CFAP44: variants seen among roughly 807,000 people sequenced by gnomAD.
CFAP44 encodes the protein cilia and flagella associated protein 44.
CFAP44 carries 134 observed loss-of-function variants against 216.2 expected under a neutral mutation model. The ratio of observed to expected loss-of-function variants is 0.62; its 90% CI spans 0.54 to 0.72. CFAP44 has a LOEUF of 0.72. Among genes scored for constraint, CFAP44 ranks in the 30% least tolerant of loss-of-function variants. The pLI is 0.00. For missense variants in CFAP44, 2,035 were observed against 2,182.1 expected, an observed-to-expected ratio of 0.93 and a Z score of 1.34; for synonymous variants, 700 against 727.6, an observed-to-expected ratio of 0.96 and a Z score of 0.61.
In CFAP44 at chr3:113,429,872, A is replaced by T. The variant is rs980125099; in HGVS notation, c.101-2533T>A. Reference sequence around the variant, plus strand: ...AACAACTTTCTACAGTCTACTTAAGAGTTACCATTTATTATAGTAACACGT... The same window carrying T: ...AACAACTTTCTACAGTCTACTTAAGTGTTACCATTTATTATAGTAACACGT... On this transcript the variant is annotated intron_variant, in intron 2 of 34. Transcript: ENST00000393845. Among the ~76,000 whole-genome samples, 58 of 152,130 alleles carry T rather than the reference A, an allele frequency of 3.8e-4. 1 individual carries two copies. Among genetic ancestry groups the T allele is most frequent in the Admixed American group, 6.6e-5 (1 of 15,266 alleles).
At chr3:113,438,067 C>T (rs985988090) in intron 1 of CFAP44, among the ~76,000 whole-genome samples, 3 of 152,192 alleles carry the variant, frequency 2.0e-5, no homozygotes, top group Admixed American at 1.3e-4. Flanking sequence ...GTACTGTTAA[C>T]AGGGTCTCAC....
chr3:113,338,941 G>A (rs1950306193), intron 24 of CFAP44, among the ~76,000 whole-genome samples: 1 of 152,162 alleles, frequency 6.6e-6, no homozygotes, highest in African/African-American at 2.4e-5. Context: ...GTGCCTCTGA[G>A]ACTCATATCT....
intron 12 of CFAP44, 21 bp downstream of exon 12, chr3:113,400,524 T>G: frequency 6.5e-7 from 1 of 1,530,222 alleles, no homozygotes; most frequent in Non-Finnish European, 8.8e-7. Flanking sequence ...AGACATATTT[T>G]TATTAAGAGT....
chr3:113,338,448 A>G (rs528512311), intron 24 of CFAP44, among the ~76,000 whole-genome samples: 1 of 152,240 alleles, frequency 6.6e-6, no homozygotes, highest in South Asian at 2.1e-4. Flanking sequence ...TCCTATTCAA[A>G]TGTGAGAAAA....
At chr3:113,380,229 G>A (rs1252316149) in intron 16 of CFAP44, among the ~76,000 whole-genome samples, 1 of 151,956 alleles carries the variant, frequency 6.6e-6, no homozygotes. Context: ...GGATCCCAGT[G>A]GTCTAAAATG....
At chr3:113,393,406 G>A (rs375719467) in intron 15 of CFAP44, among the ~76,000 whole-genome samples, 4 of 152,070 alleles carry the variant, frequency 2.6e-5, no homozygotes, top group African/African-American at 4.8e-5. Flanking sequence ...TGGGTCTTGC[G>A]GGTGGATGCC....
chr3:113,315,120 C>T (rs888470658), intron 28 of CFAP44, among the ~76,000 whole-genome samples: 1 of 151,800 alleles, frequency 6.6e-6, no homozygotes, highest in Non-Finnish European at 1.5e-5. Context: ...TTAAATACAC[C>T]AAAGAAAAGA....
chr3:113,329,723 C>G (rs1459570071), intron 26 of CFAP44, among the ~76,000 whole-genome samples: 2 of 152,212 alleles, frequency 1.3e-5, no homozygotes, highest in Non-Finnish European at 2.9e-5. Flanking sequence ...ACCATAAACA[C>G]TTCTACTAAT....
intron 4 of CFAP44, 144 bp downstream of exon 4, chr3:113,425,980 A>C: frequency 1.1e-6 from 1 of 930,474 alleles, no homozygotes; most frequent in Non-Finnish European, 1.6e-6. Flanking sequence ...AATGTAAGCA[A>C]ATGGATGTGG....
chr3:113,436,447 T>C (rs1190997399), intron 1 of CFAP44, among the ~76,000 whole-genome samples: 2 of 152,202 alleles, frequency 1.3e-5, no homozygotes, highest in East Asian at 3.8e-4. Flanking sequence ...AGGTGAGCAA[T>C]ATACAGTCCC....
At chr3:113,343,094 CT>C (rs1950350041) in intron 23 of CFAP44, among the ~76,000 whole-genome samples, 2 of 117,826 alleles carry the variant, frequency 1.7e-5, no homozygotes, top group Non-Finnish European at 3.3e-5. Context: ...CAGAGTCTCA[CT>C]TTGTCACCTA....
At chr3:113,378,861 T>C (rs1348495484) in intron 17 of CFAP44, among the ~76,000 whole-genome samples, 1 of 152,126 alleles carries the variant, frequency 6.6e-6, no homozygotes, top group Non-Finnish European at 1.5e-5. Flanking sequence ...CCCCACAGCA[T>C]AGTTGTAGAT....
chr3:113,392,302 A>C (rs1181567212), intron 15 of CFAP44, among the ~76,000 whole-genome samples: 1 of 152,174 alleles, frequency 6.6e-6, no homozygotes, highest in Admixed American at 6.5e-5. Context: ...CAGGTACAGA[A>C]AGACAAACAT....
intron 25 of CFAP44, among the ~76,000 whole-genome samples, chr3:113,331,707 A>G (rs1043335918): frequency 6.6e-6 from 1 of 152,126 alleles, no homozygotes; most frequent in Non-Finnish European, 1.5e-5. Context: ...TGTAAGGCCT[A>G]CCTTTTTAAG....
At chr3:113,325,847 G>A (rs1450052206) in intron 28 of CFAP44, among the ~76,000 whole-genome samples, 1 of 152,046 alleles carries the variant, frequency 6.6e-6, no homozygotes, top group East Asian at 1.9e-4. Context: ...CTGTAGTATT[G>A]GTGAAAATAT....
At chr3:113,309,342 G>C (rs930281701) in intron 28 of CFAP44, among the ~76,000 whole-genome samples, 12 of 152,126 alleles carry the variant, frequency 7.9e-5, no homozygotes, top group African/African-American at 2.9e-4. Flanking sequence ...GTAATTTTCT[G>C]TCCACTGACG....
chr3:113,291,785 T>C (rs1475717299), intron 34 of CFAP44, 37 bp from the exon 35 acceptor site: 1 of 1,532,726 alleles, frequency 6.5e-7, no homozygotes, highest in East Asian at 2.4e-5. Context: ...GAAGCATCAT[T>C]TGGCATGTGA....
chr3:113,395,064 T>C (rs901630753), intron 15 of CFAP44, among the ~76,000 whole-genome samples: 1 of 152,234 alleles, frequency 6.6e-6, no homozygotes, highest in African/African-American at 2.4e-5. Context: ...TTTATGGCCC[T>C]TTTATTTAGA....
At position 113,339,030 on chromosome 3, in the gene CFAP44, A is replaced by T. The variant is rs1319505736; in HGVS notation, c.3437+2714T>A. 2.0e-5 allele frequency among the ~76,000 whole-genome samples: 3 copies of T among 152,208 alleles called. No individual in the cohort carries two copies. The East Asian group carries it at 5.8e-4, about 29-fold the overall frequency. ...ATCAATCAATCCTACACTGTTGGCA[A>T]AAGTCTGGATTGCCTTGCAAGCTAT... On this transcript the variant is annotated intron_variant, in intron 24 of 34. Transcript: ENST00000393845.
Sources: allele counts gnomAD v4.1 joint callset (sites outside exome capture counted in the v4.1 genomes callset), GRCh38; gene constraint gnomAD v4.1.1; transcripts MANE v1.5; gene names NCBI Gene and HGNC (gene_info 2026-07-23, HGNC 2026-07-21).